The following PLEC variants were observed in gnomAD, a reference collection of about 807,000 sequenced individuals.
PLEC encodes the protein plectin.
A neutral mutation model predicts 392.8 loss-of-function variants in PLEC; 216 were observed. That is an observed-to-expected ratio of 0.55 (90% confidence interval 0.49 to 0.62). The LOEUF is 0.62. PLEC is among the 20% of genes least tolerant of loss of function. PLEC has a pLI of 0.00. For missense variants in PLEC, 6,863 were observed against 6,563.4 expected (o/e 1.05, Z -1.58); for synonymous variants, 3,621 against 2,980.6 (o/e 1.21, Z -7.00).
upstream of PLEC, chr8:143,975,142 C>G (rs1554745588): frequency 1.3e-6 from 2 of 1,592,528 alleles, no homozygotes; most frequent in Non-Finnish European, 1.7e-6. This position sits in a 1 kb window ranked among gnomAD's most constrained non-coding sequence, Gnocchi z 9.9. Context: ...CCTCGCGTGC[C>G]AAGGAGGTGC....
rs201419047 is a variant in PLEC at position 143,918,210 on chromosome 8, C to T, written c.11611G>A (p.Gly3871Ser). The change falls in exon 32 of 32, where the codon GGC (glycine) becomes AGC (serine). Residue 3871 changes from glycine (G) to serine (S), a missense_variant. By Grantham distance (56) the Gly-to-Ser change is moderately conservative. Transcript: ENST00000345136. The stretch of plus-strand genomic sequence containing the variant: ...TCCGACAGTGGCAGGAGCAGCTGGC[C>T]GGTGCCGTCGTCACGACGGCACCGC... ...LRRCRRDDGT[G>S]QLLLPLSDAR... is the part of the protein sequence containing the mutation. The T allele has an allele frequency of 1.3e-3, 2,022 of 1,577,568 alleles. 2 individuals are homozygous for T. Among genetic ancestry groups the T allele is most frequent in the East Asian group, 5.3e-3 (235 of 44,460 alleles).
At position 143,931,930 on chromosome 8, in the gene PLEC, T is replaced by C. The variant is rs894108406; in HGVS notation, c.2178+7A>G. 1.2e-6 allele frequency: 2 copies of C among 1,602,112 alleles called. No homozygotes were observed. The highest frequency in any genetic ancestry group is 1.7e-5 in the Admixed American group (1 of 59,282). On this transcript the variant is annotated splice_region_variant and intron_variant, in intron 18 of 31. Coordinates refer to ENST00000345136, the MANE Select transcript of PLEC (RefSeq NM_201384.3). The stretch of plus-strand genomic sequence containing the variant: ...AGCCACAGTGCGGAGGGGGCTCCGG[T>C]TCTCACCTGAAAGTAGGCAGCGTTC...
rs1820717866 is a variant in PLEC at position 143,916,792 on chromosome 8, C to T, written c.13029G>A (p.Lys4343=). The change falls in exon 32 of 32, where the codon AAG becomes AAA. Residue 4343 remains lysine (K), a synonymous_variant. Coordinates refer to ENST00000345136, the MANE Select transcript of PLEC (RefSeq NM_201384.3). ...CCAGGTTGATGCGGTCCACCATGAT[C>T]TTGTCCACCAGGCCCTTGTTGACGG... ...TDAVNKGLVD[K]IMVDRINLAQ... The T allele has an allele frequency of 6.2e-7, 1 of 1,613,176 alleles. No homozygotes were observed. Among genetic ancestry groups the T allele is most frequent in the African/African-American group, 1.3e-5 (1 of 74,926 alleles).
upstream of PLEC, among the ~76,000 whole-genome samples, chr8:143,944,376 C>T (rs1296316171): frequency 6.6e-6 from 1 of 152,240 alleles, no homozygotes; most frequent in African/African-American, 2.4e-5. Flanking sequence ...CTGGGGACAG[C>T]TGGCAGGCAT....
At position 143,927,344 on chromosome 8, in the gene PLEC, T is replaced by C. The variant is rs57461687; in HGVS notation, c.3757-9A>G. 0.026 allele frequency: 42,444 copies of C among 1,612,490 alleles called. 8,814 individuals are homozygous for C. The African/African-American group carries it at 0.48, about 18-fold the overall frequency. On this transcript the variant is annotated splice_polypyrimidine_tract_variant and intron_variant, in intron 27 of 31. Coordinates refer to ENST00000345136, the MANE Select transcript of PLEC (RefSeq NM_201384.3). ...ATCTCCTCCAGCAGGGCCTGGGTGA[T>C]GGTGTGGTCAGAGCCGTGGCCGCAG...
chr8:143,971,790 GC>G lies in PLEC; in HGVS notation c.70+1612del, dbSNP rs573721106. ...AACTCCACTTCAGGCAAGCCCCCCG[GC>G]CCCCCTGCCCCCTCACCAGCCTCCA... On this transcript the variant is annotated intron_variant, in intron 1 of 31. Transcript: ENST00000356346. 1.1e-3 allele frequency among the ~76,000 whole-genome samples: 163 copies of G among 152,182 alleles called. No individual in the cohort carries two copies. The Middle Eastern group carries it at 0.014, about 13-fold the overall frequency.
At chr8:143,951,890 GC>G (rs1183115099), upstream of PLEC, among the ~76,000 whole-genome samples, 1 of 150,572 alleles carries the variant, frequency 6.6e-6, no homozygotes, top group Non-Finnish European at 1.5e-5. Flanking sequence ...CCCCGCTGCT[GC>G]CGCCCCCACT....
rs528662483 is a variant in PLEC at position 143,969,806 on chromosome 8, G to A, written c.70+3597C>T. Among the ~76,000 whole-genome samples the A allele has an allele frequency of 2.6e-3, 399 of 152,122 alleles. No homozygotes were observed. The highest frequency in any genetic ancestry group is 9.3e-3 in the African/African-American group (384 of 41,498). On this transcript the variant is annotated intron_variant, in intron 1 of 31. Coordinates refer to the PLEC transcript ENST00000356346. This position sits in a 1 kb window ranked among gnomAD's most constrained non-coding sequence, Gnocchi z 5.1. ...AGGGATGGGAGTGGGGCTTAGGGGT[G>A]CTGTGAGGTGGTCCTGGAGAGGGCA...
Position 143,958,923 on chromosome 8 carries a change from A to G in PLEC, c.70+14480T>C, listed in dbSNP as rs1832735042. On this transcript the variant is annotated intron_variant, in intron 1 of 31. Transcript: ENST00000356346. This position sits in a 1 kb window ranked among gnomAD's most constrained non-coding sequence, Gnocchi z 4.9. ...TTCAGGGATAATGCACTTTCCCAGA[A>G]CTCTGTTAATATCGTTGACTTCACT... 1 of 202,192 alleles carries G rather than the reference A, an allele frequency of 4.9e-6. No homozygotes were observed. Among genetic ancestry groups the G allele is most frequent in the Non-Finnish European group, 1.1e-5 (1 of 93,632 alleles). 12.5% of individuals were successfully genotyped at this position (202,192 alleles called of 1,614,324 possible).
rs564907731 is a variant in PLEC, at chr8:143,917,795, C to T, written c.12026G>A (p.Arg4009His). The change falls in exon 32 of 32, where the codon CGC (arginine) becomes CAC (histidine). Residue 4009 changes from arginine (R) to histidine (H), a missense_variant. Arg to His is a conservative substitution (Grantham distance 29, BLOSUM62 0). Coordinates refer to ENST00000345136, the MANE Select transcript of PLEC (RefSeq NM_201384.3). ...GGGGTCCTTGTACCCAGTGACGGCGCGCTCGGCCGACAGCAGCTTGTCCTT... is the reference window on the plus strand; with the variant it reads ...GGGGTCCTTGTACCCAGTGACGGCGTGCTCGGCCGACAGCAGCTTGTCCTT... ...EFKDKLLSAE[R>H]AVTGYKDPYS... is the part of the protein sequence containing the mutation. 3.9e-5 allele frequency: 63 copies of T among 1,613,430 alleles called. No homozygotes were observed. Among genetic ancestry groups the T allele is most frequent in the Middle Eastern group, 1.6e-4 (1 of 6,084 alleles).
rs1554744942 is a variant in PLEC at position 143,973,415 on chromosome 8, C to T, written c.58G>A (p.Glu20Lys). 2 of 1,554,902 alleles carry T rather than the reference C, an allele frequency of 1.3e-6. No homozygotes were observed. Among genetic ancestry groups the T allele is most frequent in the Non-Finnish European group, 1.7e-6 (2 of 1,150,820 alleles). ...CGGGGGGCCGTACCTTTGTACTTCT[C>T]GCGCACCTCCTCGTAGGCCTGGATG... is the stretch of plus-strand genomic sequence containing the variant. The change falls in exon 1 of 32, where the codon GAG becomes AAG. Residue 20 changes from glutamate (E) to lysine (K), a missense_variant. Coordinates refer to the PLEC transcript ENST00000356346. The surrounding 1 kb of genome is among the most constrained non-coding windows in gnomAD (Gnocchi z 5.6).
chr8:143,934,259 C>G, intron 11 of PLEC, 59 bp downstream of exon 11: 2 of 1,607,770 alleles, frequency 1.2e-6, no homozygotes, highest in South Asian at 1.1e-5. Flanking sequence ...GGGGGGTTTC[C>G]TTCCCAGGCA....
chr8:143,925,883 C>A lies in PLEC; in HGVS notation c.4046G>T (p.Arg1349Met), dbSNP rs1206390089. 1 of 1,543,780 alleles carries A rather than the reference C, an allele frequency of 6.5e-7. No homozygotes were observed. Residue 1349 changes from arginine to methionine, a missense_variant and splice_region_variant, in exon 31 of 32, where the codon AGG becomes ATG. By Grantham distance (91) the Arg-to-Met change is moderately conservative. Transcript: ENST00000345136. ...CTCTGCCCGCTGCTGCTCAGCCAGC[C>A]TCTGTGGCCACAGCAGAGAGAAGAA... ...ETLRRMEEEERLAEQQRAEER... is the reference protein window; with the variant it reads ...ETLRRMEEEEMLAEQQRAEER...
Position 143,925,172 on chromosome 8 carries a change from G to A in PLEC, c.4757C>T (p.Ala1586Val). 6.4e-7 allele frequency: 1 copy of A among 1,564,936 alleles called. No individual in the cohort carries two copies. The highest frequency in any genetic ancestry group is 8.6e-7 in the Non-Finnish European group (1 of 1,163,646). ...GCGCTCCAGCTGTGCCGTCTTCTCG[G>A]CGAAGGAGGCGCGTTTGCTCTGCAG... The part of the protein sequence containing the change: ...AELQSKRASF[A>V]EKTAQLERSL... The change falls in exon 31 of 32, where the codon GCC (alanine) becomes GTC (valine). Residue 1586 changes from alanine (A) to valine (V), a missense_variant. Transcript: ENST00000345136.
chr8:143,947,229 T>C (rs1356128662), intron 1 of PLEC, among the ~76,000 whole-genome samples: 1 of 151,454 alleles, frequency 6.6e-6, no homozygotes, highest in East Asian at 1.9e-4. Context: ...AGGGGGGAGG[T>C]CAAGGCACAG....
chr8:143,959,130 G>A (rs899719100), intron 1 of PLEC, among the ~76,000 whole-genome samples: 1 of 152,196 alleles, frequency 6.6e-6, no homozygotes, highest in African/African-American at 2.4e-5. Context: ...GGCGTGTGAG[G>A]GTGAATGCGG....
chr8:143,946,823 G>A (rs1258645595), intron 1 of PLEC, among the ~76,000 whole-genome samples: 2 of 146,866 alleles, frequency 1.4e-5, no homozygotes, highest in Non-Finnish European at 3.0e-5. Context: ...GGCGGGAGCA[G>A]AGCCCCAAAC....
exon 1 of PLEC, chr8:143,950,269 C>T (rs149530119): frequency 1.2e-5 from 19 of 1,571,388 alleles, no homozygotes; most frequent in Non-Finnish European, 1.5e-5. Context: ...GTGACACCTC[C>T]TCAAGCTCCT....
upstream of PLEC, among the ~76,000 whole-genome samples, chr8:143,952,964 C>G (rs1177860605): frequency 4.6e-5 from 7 of 150,770 alleles, no homozygotes; most frequent in Non-Finnish European, 8.9e-5. Context: ...CTGCCAGCTC[C>G]GCACACGCCC....
Sources: allele counts gnomAD v4.1 joint callset (sites outside exome capture counted in the v4.1 genomes callset), GRCh38; gene constraint gnomAD v4.1.1; non-coding constraint Gnocchi (gnomAD v3.1); transcripts MANE v1.5; gene names NCBI Gene and HGNC (gene_info 2026-07-23, HGNC 2026-07-21).